ECT2: variants seen among roughly 807,000 people sequenced by gnomAD.
The protein encoded by ECT2 is epithelial cell transforming 2.
ECT2 carries 61 observed loss-of-function variants against 116.9 expected under a neutral mutation model. The observed-to-expected ratio is 0.52, with a 90% CI of 0.42 to 0.65. The LOEUF (loss-of-function observed/expected upper bound fraction) is 0.65, where lower values mean the gene tolerates loss of function less well. ECT2 is among the 30% of genes least tolerant of loss of function. The pLI, the probability that ECT2 is intolerant of heterozygous loss-of-function variation, is 0.00. For missense variants in ECT2, 937 were observed against 1,078.7 expected (o/e 0.87, Z 1.84); for synonymous variants, 358 against 346.4 (o/e 1.03, Z -0.37).
chr3:172,805,741 A>G lies in ECT2; in HGVS notation c.2117A>G (p.Lys706Arg), dbSNP rs759246418. Residue 706 changes from lysine to arginine, a missense_variant, in exon 21 of 25, where the codon AAA becomes AGA. Coordinates refer to ENST00000392692, the MANE Select transcript of ECT2 (RefSeq NM_001258315.2). ...LFNDCLEIARKRHKVIGTFRS... is the reference protein window; with the variant it reads ...LFNDCLEIARRRHKVIGTFRS... Reference sequence around the variant, plus strand: ...ATTTTCTATAATCAGATAGCAAGAAAACGGCACAAGGTTATTGGCACTTTT... The same window carrying G: ...ATTTTCTATAATCAGATAGCAAGAAGACGGCACAAGGTTATTGGCACTTTT... 7.4e-6 allele frequency: 12 copies of G among 1,613,138 alleles called. No individual in the cohort carries two copies. The Admixed American group carries it at 1.5e-4, about 20-fold the overall frequency.
chr3:172,820,281 A>C lies in ECT2; in HGVS notation c.*44A>C. 1 of 1,387,920 alleles carries C rather than the reference A, an allele frequency of 7.2e-7. No individual in the cohort carries two copies. The highest frequency in any genetic ancestry group is 9.9e-7 in the Non-Finnish European group (1 of 1,008,228). The allele number at this position is 1,387,920 out of a possible 1,614,324, so 86.0% of individuals were successfully genotyped here. ...AATTATAGAAATGTATAGACACCTCATACTCAAATAAGAAACTGACTTAAA... is the reference window on the plus strand; with the variant it reads ...AATTATAGAAATGTATAGACACCTCCTACTCAAATAAGAAACTGACTTAAA... On this transcript the variant is annotated 3_prime_UTR_variant, in exon 25 of 25. Coordinates refer to ENST00000392692, the MANE Select transcript of ECT2 (RefSeq NM_001258315.2).
rs537160670 is a variant in ECT2, at chr3:172,820,177, T to G, written c.2685T>G (p.Leu895=). The change falls in exon 25 of 25, where the codon CTT becomes CTG. Residue 895 remains leucine, a synonymous_variant. Transcript: ENST00000392692. ...TCCCTTCTCCCTCCCTTGTCAGCCT[T>G]CCTTCCTTCTTTGAAAGGAGAAGTC... The part of the protein sequence containing the change: ...AGIPSPSLVS[L]PSFFERRSHT... 7.5e-5 allele frequency: 121 copies of G among 1,610,502 alleles called. No individual in the cohort carries two copies. The South Asian group carries it at 1.1e-3, about 15-fold the overall frequency.
chr3:172,815,515 A>AC (rs1476208029), intron 22 of ECT2, 89 bp from the exon 23 acceptor site: 1 of 732,968 alleles, frequency 1.4e-6, no homozygotes, highest in African/African-American at 1.8e-5. Context: ...TCATTTATAA[A>AC]TACTCCCATA....
At position 172,754,972 on chromosome 3, in the gene ECT2, T is replaced by C. The variant is rs545408401; in HGVS notation, c.130+312T>C. ...ATGACTGGTTAGGTGAAAGCTACTT[T>C]TTCCTTTACCACTTTATAAATGGGT... On this transcript the variant is annotated intron_variant, in intron 2 of 24. Coordinates refer to ENST00000392692, the MANE Select transcript of ECT2 (RefSeq NM_001258315.2). Among the ~76,000 whole-genome samples the C allele has an allele frequency of 5.3e-5, 8 of 152,150 alleles. No individual in the cohort carries two copies. The South Asian group carries it at 1.5e-3, about 28-fold the overall frequency.
chr3:172,820,012 GA>G, intron 24 of ECT2, 135 bp from the exon 25 acceptor site: 1 of 553,948 alleles, frequency 1.8e-6, no homozygotes, highest in East Asian at 3.1e-5. Context: ...AAAGAGTTTA[GA>G]ATTGTCAGAT....
chr3:172,756,279 C>A (rs1716965787), intron 4 of ECT2, among the ~76,000 whole-genome samples: 2 of 151,960 alleles, frequency 1.3e-5, no homozygotes, highest in Non-Finnish European at 2.9e-5. Flanking sequence ...ATTTACTGAC[C>A]CATTTTGAGT....
intron 24 of ECT2, chr3:172,818,709 T>A (rs1401595016): frequency 7.8e-7 from 1 of 1,288,862 alleles, no homozygotes; most frequent in Non-Finnish European, 1.0e-6. Flanking sequence ...AAGGAAATAC[T>A]GATTTTTCAA....
intron 20 of ECT2, 68 bp downstream of exon 20, chr3:172,803,048 C>T: frequency 7.2e-7 from 1 of 1,384,140 alleles, no homozygotes; most frequent in Non-Finnish European, 9.7e-7. Context: ...TATTTAAAAC[C>T]AAGCTTTAAT....
In ECT2 at chr3:172,816,736, C is replaced by G; in HGVS notation, c.2554C>G (p.Arg852Gly). The change falls in exon 24 of 25, where the codon CGA becomes GGA. Residue 852 changes from arginine (R) to glycine (G), a missense_variant. Physicochemically the swap from Arg to Gly is moderately radical, Grantham distance 125 (BLOSUM62 -2). Transcript: ENST00000392692. ...SFSKTPKRALRRALMTSHGSV... is the reference protein window; with the variant it reads ...SFSKTPKRALGRALMTSHGSV... ...CTCCAAAACTCCAAAAAGAGCTCTT[C>G]GAAGGGCTCTTATGACATCCCACGG... is the stretch of plus-strand genomic sequence containing the variant. The G allele has an allele frequency of 6.2e-7, 1 of 1,607,400 alleles. No individual in the cohort carries two copies. The highest frequency in any genetic ancestry group is 8.5e-7 in the Non-Finnish European group (1 of 1,175,580).
the ECT2 span, among the ~76,000 whole-genome samples, chr3:172,827,843 G>A: frequency 2.0e-5 from 3 of 152,104 alleles, no homozygotes; most frequent in Admixed American, 2.0e-4. Context: ...TTGTTTTGAG[G>A]CCTAGACATC....
At chr3:172,790,446 T>C (rs965898702) in intron 18 of ECT2, among the ~76,000 whole-genome samples, 5 of 152,214 alleles carry the variant, frequency 3.3e-5, no homozygotes, top group Non-Finnish European at 5.9e-5. Flanking sequence ...TCTAGTGTTT[T>C]ACCTATGAAA....
chr3:172,818,608 C>T (rs761719174), intron 24 of ECT2: 146 of 1,288,496 alleles, frequency 1.1e-4, no homozygotes, highest in Non-Finnish European at 1.3e-4. Context: ...TTATGTTCAG[C>T]GCCTAAACTC....
Position 172,754,646 on chromosome 3 carries a change from C to T in ECT2, c.116C>T (p.Thr39Ile). The change falls in exon 2 of 25, where the codon ACT becomes ATT. Residue 39 changes from threonine to isoleucine, a missense_variant. By Grantham distance (89) the Thr-to-Ile change is moderately conservative (BLOSUM62 -1). Transcript: ENST00000392692. ...ISKENLLIGS[T>I]SYVEEEMPQI... The stretch of plus-strand genomic sequence containing the variant: ...AAGGAAAACTTACTTATTGGATCTA[C>T]TTCATATGTAGAAGGTAAACCTGTT... 1 of 1,607,674 alleles carries T rather than the reference C, an allele frequency of 6.2e-7. No individual in the cohort carries two copies. Among genetic ancestry groups the T allele is most frequent in the Middle Eastern group, 1.7e-4 (1 of 6,042 alleles).
At chr3:172,792,464 T>TTA (rs1553765005) in intron 18 of ECT2, among the ~76,000 whole-genome samples, 6 of 151,630 alleles carry the variant, frequency 4.0e-5, no homozygotes, top group Admixed American at 3.9e-4. Flanking sequence ...TTTTTTTTTT[T>TTA]TATACTCAGC....
chr3:172,776,609 A>G (rs1265047538), intron 14 of ECT2, among the ~76,000 whole-genome samples: 3 of 152,210 alleles, frequency 2.0e-5, no homozygotes, highest in African/African-American at 7.2e-5. Flanking sequence ...AGAGGCAGTC[A>G]TCTAATAAAT....
Position 172,816,750 on chromosome 3 carries a change from G to C in ECT2, c.2568G>C (p.Met856Ile). Residue 856 changes from methionine to isoleucine, a missense_variant, in exon 24 of 25, where the codon ATG (methionine) becomes ATC (isoleucine). Transcript: ENST00000392692. ...AAAGAGCTCTTCGAAGGGCTCTTAT[G>C]ACATCCCACGGCTCAGTGGAGGGAA... is the stretch of plus-strand genomic sequence containing the variant. ...TPKRALRRAL[M>I]TSHGSVEGRS... is the part of the protein sequence containing the mutation. 6.2e-7 allele frequency: 1 copy of C among 1,610,882 alleles called. No individual in the cohort carries two copies. Among genetic ancestry groups the C allele is most frequent in the Non-Finnish European group, 8.5e-7 (1 of 1,177,842 alleles).
At chr3:172,809,602 CACACACACGTG>C (rs1434991125) in intron 22 of ECT2, among the ~76,000 whole-genome samples, 1 of 150,692 alleles carries the variant, frequency 6.6e-6, no homozygotes, top group Non-Finnish European at 1.5e-5. Context: ...CACACACGCA[CACACACACGTG>C]AAAGATGTAA....
the ECT2 span, among the ~76,000 whole-genome samples, chr3:172,827,393 A>T: frequency 1.3e-5 from 2 of 152,382 alleles, no homozygotes; most frequent in South Asian, 2.1e-4. Flanking sequence ...GTCCATCAAC[A>T]GATGAATGGA....
Position 172,821,001 on chromosome 3 carries a change from A to C in ECT2, c.*764A>C, listed in dbSNP as rs532938786. 8.6e-5 allele frequency: 13 copies of C among 152,018 alleles called. No homozygotes were observed. In the South Asian group the frequency reaches 2.7e-3, roughly 32 times the overall value. 9.4% of individuals were successfully genotyped at this position (152,018 alleles called of 1,614,324 possible). On this transcript the variant is annotated 3_prime_UTR_variant, in exon 25 of 25. Transcript: ENST00000392692. ...CTAGCAAATCTTGATTTAGTTTGAT[A>C]GTGTGTGGAATTTTATTTTGAAGGA... is the stretch of plus-strand genomic sequence containing the variant.
Sources: allele counts gnomAD v4.1 joint callset (sites outside exome capture counted in the v4.1 genomes callset), GRCh38; gene constraint gnomAD v4.1.1; transcripts MANE v1.5; gene names NCBI Gene and HGNC (gene_info 2026-07-23, HGNC 2026-07-21).